The following CACNA2D3 variants were observed in gnomAD, a reference collection of about 807,000 sequenced individuals.
The protein encoded by CACNA2D3 is voltage-dependent calcium channel subunit alpha-2/delta-3.
In CACNA2D3, 60 loss-of-function variants were observed where a neutral mutation model predicts 160.6. The observed-to-expected ratio is 0.37, with a 90% CI of 0.30 to 0.46. The LOEUF is 0.46. CACNA2D3 is among the 20% of genes least tolerant of loss of function. CACNA2D3 has a pLI of 1.00. For synonymous variants in CACNA2D3, 558 were observed against 492.9 expected, an observed-to-expected ratio of 1.13 and a Z score of -1.75; for missense variants, 1,205 against 1,365.0, an observed-to-expected ratio of 0.88 and a Z score of 1.85.
chr3:54,586,523 CA>C (rs989386844), intron 9 of CACNA2D3, among the ~76,000 whole-genome samples: 1 of 152,094 alleles, frequency 6.6e-6, no homozygotes, highest in African/African-American at 2.4e-5. Flanking sequence ...TCAAAATACA[CA>C]AAGCAGAAAC....
Position 54,435,198 on chromosome 3 carries a change from G to A in CACNA2D3, c.381+48424G>A, listed in dbSNP as rs114363670. ...CAAGGTAGTGGGAAACAACCAGTCAGCACTCCACTCCCCTGCCCTTTGGGG... is the reference window on the plus strand; with the variant it reads ...CAAGGTAGTGGGAAACAACCAGTCAACACTCCACTCCCCTGCCCTTTGGGG... On this transcript the variant is annotated intron_variant, in intron 4 of 37. Transcript: ENST00000474759. Among the ~76,000 whole-genome samples the A allele has an allele frequency of 7.5e-3, 1,141 of 152,248 alleles. 18 individuals carry two copies. The highest frequency in any genetic ancestry group is 0.026 in the African/African-American group (1,090 of 41,556).
At chr3:55,021,072 T>A (rs914540062) in intron 35 of CACNA2D3, among the ~76,000 whole-genome samples, 3 of 152,158 alleles carry the variant, frequency 2.0e-5, no homozygotes, top group Admixed American at 6.6e-5. Context: ...GAATCCAGTA[T>A]CTGTTTCTTG....
chr3:54,216,887 C>T (rs1035593955), intron 2 of CACNA2D3, among the ~76,000 whole-genome samples: 4 of 152,128 alleles, frequency 2.6e-5, no homozygotes, highest in African/African-American at 9.7e-5. Flanking sequence ...CCAAGTTCAG[C>T]CAGGGCCCCT....
At chr3:54,461,834 G>C (rs368488463) in intron 4 of CACNA2D3, among the ~76,000 whole-genome samples, 2 of 152,080 alleles carry the variant, frequency 1.3e-5, no homozygotes, top group Non-Finnish European at 2.9e-5. Context: ...GAATGTGTTT[G>C]CTTTTGCTTT....
At chr3:54,931,224 T>C (rs1402286373) in intron 27 of CACNA2D3, among the ~76,000 whole-genome samples, 1 of 152,198 alleles carries the variant, frequency 6.6e-6, no homozygotes, top group Non-Finnish European at 1.5e-5. Context: ...GCCCCAGAGC[T>C]AATGGGTTCC....
chr3:54,614,103 A>T (rs1455564672), intron 9 of CACNA2D3, among the ~76,000 whole-genome samples: 2 of 152,212 alleles, frequency 1.3e-5, no homozygotes, highest in African/African-American at 4.8e-5. Flanking sequence ...CTTAATAAAC[A>T]TTTGATGACT....
intron 4 of CACNA2D3, among the ~76,000 whole-genome samples, chr3:54,442,169 A>C (rs1175621587): frequency 6.6e-6 from 1 of 152,082 alleles, no homozygotes; most frequent in East Asian, 1.9e-4. Flanking sequence ...TCTCTATAGG[A>C]TAATTCACAG....
At chr3:54,908,332 G>A (rs1386558862) in intron 27 of CACNA2D3, among the ~76,000 whole-genome samples, 1 of 152,140 alleles carries the variant, frequency 6.6e-6, no homozygotes, top group Non-Finnish European at 1.5e-5. Context: ...TTAGAGAAAG[G>A]TCTATTCAGA....
At chr3:54,323,258 C>T (rs1448292176) in intron 3 of CACNA2D3, among the ~76,000 whole-genome samples, 5 of 152,120 alleles carry the variant, frequency 3.3e-5, no homozygotes, top group East Asian at 1.9e-4. Context: ...TAGGAAAAGT[C>T]GCTGTTTGCC....
intron 27 of CACNA2D3, among the ~76,000 whole-genome samples, chr3:54,928,856 A>G (rs1001636382): frequency 1.3e-5 from 2 of 152,154 alleles, no homozygotes; most frequent in African/African-American, 4.8e-5. Flanking sequence ...CCCTGTGAGC[A>G]TCAGGCGTCA....
At chr3:54,458,988 G>C (rs1408090547) in intron 4 of CACNA2D3, among the ~76,000 whole-genome samples, 2 of 151,764 alleles carry the variant, frequency 1.3e-5, no homozygotes, top group Non-Finnish European at 2.9e-5. Flanking sequence ...TGTTCTCATT[G>C]TTCAATTCCC....
At chr3:54,961,827 T>G (rs1471433359) in intron 27 of CACNA2D3, among the ~76,000 whole-genome samples, 1 of 152,158 alleles carries the variant, frequency 6.6e-6, no homozygotes, top group Non-Finnish European at 1.5e-5. Context: ...AACAGAGTGG[T>G]AGAAGCCGGG....
intron 2 of CACNA2D3, among the ~76,000 whole-genome samples, chr3:54,288,960 A>G (rs908626196): frequency 5.9e-5 from 9 of 152,168 alleles, no homozygotes; most frequent in East Asian, 1.9e-4. Context: ...CACAGCCAAT[A>G]TCATACTGAA....
chr3:54,760,283 G>A (rs1702058750), intron 12 of CACNA2D3, among the ~76,000 whole-genome samples: 1 of 152,094 alleles, frequency 6.6e-6, no homozygotes, highest in South Asian at 2.1e-4. Flanking sequence ...AACCAAACAT[G>A]GAAAATGGGA....
At chr3:54,319,434 A>G (rs1234714260) in intron 2 of CACNA2D3, among the ~76,000 whole-genome samples, 1 of 152,184 alleles carries the variant, frequency 6.6e-6, no homozygotes, top group East Asian at 1.9e-4. Context: ...TAGTAAACTG[A>G]TTCAGAGTTT....
intron 17 of CACNA2D3, among the ~76,000 whole-genome samples, chr3:54,859,623 ATTTG>A (rs2106797509): frequency 6.6e-6 from 1 of 152,152 alleles, no homozygotes; most frequent in South Asian, 2.1e-4. Context: ...CCCTGGGAGC[ATTTG>A]TTTGGCCTGT....
intron 14 of CACNA2D3, among the ~76,000 whole-genome samples, chr3:54,829,498 G>C (rs935522189): frequency 6.6e-6 from 1 of 152,124 alleles, no homozygotes; most frequent in East Asian, 1.9e-4. Flanking sequence ...TTGCCACATA[G>C]TCTGCTTACA....
chr3:54,386,431 G>A (rs1426290251), intron 3 of CACNA2D3, among the ~76,000 whole-genome samples: 1 of 152,192 alleles, frequency 6.6e-6, no homozygotes, highest in Non-Finnish European at 1.5e-5. Context: ...GGGCCTCAAG[G>A]ACCAGTGTCT....
intron 2 of CACNA2D3, among the ~76,000 whole-genome samples, chr3:54,137,215 A>G (rs529710863): frequency 2.0e-4 from 30 of 152,308 alleles, no homozygotes; most frequent in African/African-American, 6.7e-4. Flanking sequence ...TGCCATAGAA[A>G]TGAGGGCTTT....
Sources: allele counts gnomAD v4.1 joint callset (sites outside exome capture counted in the v4.1 genomes callset), GRCh38; gene constraint gnomAD v4.1.1; transcripts MANE v1.5; gene names NCBI Gene and HGNC (gene_info 2026-07-23, HGNC 2026-07-21).